TBX15: variants seen among roughly 807,000 people sequenced by gnomAD.
The protein encoded by TBX15 is T-box transcription factor 15.
TBX15 carries 18 observed loss-of-function variants against 53.9 expected under a neutral mutation model. That is an observed-to-expected ratio of 0.33 (90% CI 0.23 to 0.49). The LOEUF (loss-of-function observed/expected upper bound fraction) is 0.49. TBX15 is among the 20% of genes least tolerant of loss of function. TBX15 has a pLI of 0.98. For missense variants in TBX15, 692 were observed against 749.5 expected (o/e 0.92, Z 0.90); for synonymous variants, 295 against 278.0 (o/e 1.06, Z -0.61).
chr1:118,981,775 T>G (rs1222696849), intron 1 of TBX15, among the ~76,000 whole-genome samples: 1 of 152,194 alleles, frequency 6.6e-6, no homozygotes, highest in Non-Finnish European at 1.5e-5. Flanking sequence ...AACTAATGAT[T>G]ATCCTTCCCC....
At chr1:118,972,016 A>G (rs1400654515) in intron 1 of TBX15, among the ~76,000 whole-genome samples, 1 of 152,222 alleles carries the variant, frequency 6.6e-6, no homozygotes, top group East Asian at 1.9e-4. Flanking sequence ...GCTGATAATG[A>G]TGGCCAAAGG....
At chr1:118,984,751 T>C (rs1657773251) in intron 1 of TBX15, among the ~76,000 whole-genome samples, 1 of 152,180 alleles carries the variant, frequency 6.6e-6, no homozygotes, top group Admixed American at 6.5e-5. Flanking sequence ...CCTTGGGGTT[T>C]TTCGGGGCCA....
intron 1 of TBX15, among the ~76,000 whole-genome samples, chr1:118,962,446 C>T (rs1656910992): frequency 6.6e-6 from 1 of 151,942 alleles, no homozygotes; most frequent in African/African-American, 2.4e-5. Flanking sequence ...GTCTCTGTGG[C>T]CAAAAGCAAC....
intron 1 of TBX15, among the ~76,000 whole-genome samples, chr1:118,960,067 GA>G (rs80283449): frequency 0.046 from 4,910 of 106,920 alleles, 117 homozygotes; most frequent in African/African-American, 0.075. Flanking sequence ...AAGAGAAAGA[GA>G]AAAAAAAAAA....
chr1:118,903,694 G>A (rs901728904), intron 6 of TBX15, among the ~76,000 whole-genome samples: 1 of 152,106 alleles, frequency 6.6e-6, no homozygotes, highest in African/African-American at 2.4e-5. Context: ...AGGTCTTGAA[G>A]TAATAAGAGA....
intron 1 of TBX15, 109 bp downstream of exon 1, chr1:118,987,482 G>A (rs1557912245): frequency 1.5e-6 from 2 of 1,303,664 alleles, no homozygotes; most frequent in East Asian, 2.5e-5. Flanking sequence ...CTATGTTGGG[G>A]CAAGGCAGGG....
At chr1:118,972,542 G>A (rs1557905347) in intron 1 of TBX15, among the ~76,000 whole-genome samples, 1 of 152,106 alleles carries the variant, frequency 6.6e-6, no homozygotes, top group East Asian at 1.9e-4. Flanking sequence ...GGCGAGGAGG[G>A]TAGTTTGGTA....
intron 5 of TBX15, among the ~76,000 whole-genome samples, chr1:118,920,430 C>G (rs1434831788): frequency 6.6e-6 from 1 of 152,070 alleles, no homozygotes; most frequent in Non-Finnish European, 1.5e-5. Flanking sequence ...AAGGGACATA[C>G]AAAGGCAAGG....
At chr1:118,922,842 A>G (rs1437024264) in intron 5 of TBX15, among the ~76,000 whole-genome samples, 3 of 152,150 alleles carry the variant, frequency 2.0e-5, no homozygotes, top group Non-Finnish European at 2.9e-5. Flanking sequence ...ACTGATCTCA[A>G]TGAGGCAGTA....
chr1:118,910,170 T>C (rs1372026579), intron 6 of TBX15, among the ~76,000 whole-genome samples: 1 of 152,190 alleles, frequency 6.6e-6, no homozygotes, highest in African/African-American at 2.4e-5. Context: ...ATGTTTTGGT[T>C]TGAGGTTTGG....
intron 1 of TBX15, among the ~76,000 whole-genome samples, chr1:118,938,037 G>C (rs1340353823): frequency 1.3e-5 from 2 of 152,152 alleles, no homozygotes; most frequent in African/African-American, 4.8e-5. Flanking sequence ...GAGAATGCTG[G>C]TGACGAAATT....
Position 118,884,836 on chromosome 1 carries a change from T to C in TBX15, c.1705A>G (p.Ile569Val). ...PSGMEHSMHM[I>V]SPSPNNQQAT... ...TGTTGGTTATTGGGTGAAGGGCTAA[T>C]CATGTGCATGCTGTGCTCCATCCCT... is the stretch of plus-strand genomic sequence containing the variant. The change falls in exon 8 of 8, where the codon ATT becomes GTT. Residue 569 changes from isoleucine to valine, a missense_variant. By Grantham distance (29) the Ile-to-Val change is conservative (BLOSUM62 3). This residue lies in a region of TBX15 where 375 missense variants were observed against 371.6 expected (regional missense o/e 1.01). Coordinates refer to ENST00000369429, the MANE Select transcript of TBX15 (RefSeq NM_001330677.2). The C allele has an allele frequency of 6.2e-7, 1 of 1,614,100 alleles. No homozygotes were observed. Among genetic ancestry groups the C allele is most frequent in the Non-Finnish European group, 8.5e-7 (1 of 1,180,014 alleles).
chr1:118,889,419 A>T (rs1300285146), intron 7 of TBX15, among the ~76,000 whole-genome samples: 1 of 152,232 alleles, frequency 6.6e-6, no homozygotes, highest in East Asian at 1.9e-4. Context: ...CTCATCACAG[A>T]AAAGCTAGGG....
At chr1:118,901,495 T>C (rs1017247512) in intron 6 of TBX15, 5 of 449,278 alleles carry the variant, frequency 1.1e-5, no homozygotes, top group East Asian at 1.4e-4. Flanking sequence ...ATTTTCATAA[T>C]AGGCAAGAAG....
At chr1:118,939,455 A>G (rs1275533381) in intron 1 of TBX15, among the ~76,000 whole-genome samples, 1 of 148,494 alleles carries the variant, frequency 6.7e-6, no homozygotes, top group African/African-American at 2.5e-5. Flanking sequence ...GGAACAGAAA[A>G]CCAAATATCT....
intron 1 of TBX15, among the ~76,000 whole-genome samples, chr1:118,978,444 C>T (rs1475587184): frequency 6.6e-6 from 1 of 152,160 alleles, no homozygotes; most frequent in Non-Finnish European, 1.5e-5. Flanking sequence ...GTCATTTGAG[C>T]CTTGTCTCCC....
chr1:118,985,828 C>A (rs1454069106), intron 1 of TBX15, among the ~76,000 whole-genome samples: 1 of 152,220 alleles, frequency 6.6e-6, no homozygotes, highest in African/African-American at 2.4e-5. Flanking sequence ...AATTCATGAG[C>A]TTAGCTCCCC....
intron 7 of TBX15, 121 bp from the exon 8 acceptor site, chr1:118,885,637 AC>A (rs762522200): frequency 1.3e-4 from 159 of 1,255,852 alleles, no homozygotes; most frequent in Non-Finnish European, 1.8e-4. Flanking sequence ...TTTTTACAGA[AC>A]CATTTTTCCT....
chr1:118,923,330 G>T, intron 5 of TBX15, 106 bp downstream of exon 5: 2 of 1,386,492 alleles, frequency 1.4e-6, no homozygotes, highest in Non-Finnish European at 2.0e-6. Context: ...TGGACTAAGG[G>T]TTGTTGTATG....
Sources: allele counts gnomAD v4.1 joint callset (sites outside exome capture counted in the v4.1 genomes callset), GRCh38; gene constraint gnomAD v4.1.1; regional missense constraint gnomAD v4.1.1; transcripts MANE v1.5; gene names NCBI Gene and HGNC (gene_info 2026-07-23, HGNC 2026-07-21).